The following FANK1 variants were observed in gnomAD, a reference collection of about 807,000 sequenced individuals.
FANK1 encodes the protein fibronectin type III and ankyrin repeat domains 1.
Under a neutral mutation model 45.3 loss-of-function variants are expected in FANK1, and 44 were observed. The ratio of observed to expected loss-of-function variants is 0.97; its 90% CI spans 0.76 to 1.25. The LOEUF (loss-of-function observed/expected upper bound fraction) is 1.25. FANK1 is among the 50% of genes most tolerant of loss of function. The pLI is 0.00. For synonymous variants in FANK1, 149 were observed against 152.5 expected (o/e 0.98, Z 0.17); for missense variants, 391 against 424.4 (o/e 0.92, Z 0.69).
intron 1 of FANK1, among the ~76,000 whole-genome samples, chr10:125,918,041 C>A (rs1245653335): frequency 6.6e-6 from 1 of 151,244 alleles, no homozygotes; most frequent in Non-Finnish European, 1.5e-5. Flanking sequence ...GATCATGCCA[C>A]TGTACTCCAA....
Position 125,989,575 on chromosome 10 carries a change from A to G in FANK1, c.316+900A>G, listed in dbSNP as rs149539683. On this transcript the variant is annotated intron_variant, in intron 3 of 10. Coordinates refer to ENST00000368693, the MANE Select transcript of FANK1 (RefSeq NM_145235.5). ...TGAGCTGTGGTACCTTCAGTTGCAG[A>G]CCTGGCATGAGGGGACAGGATCTGA... is the stretch of plus-strand genomic sequence containing the variant. The G allele has an allele frequency of 3.8e-4, 267 of 698,922 alleles. 3 individuals are homozygous for G. In the African/African-American group the frequency reaches 4.0e-3, roughly 10 times the overall value. The allele number at this position is 698,922 out of a possible 1,614,324, so 43.3% of individuals were successfully genotyped here.
Position 125,900,627 on chromosome 10 carries a change from GTTTT to G in FANK1, c.13+3978_13+3981del, listed in dbSNP as rs369116577. Reference sequence around the variant, plus strand: ...AGTTTTCTGCTACACGTTTCTTTCTGTTTTTTTTTGTTTGTTTGTTTGTTGTTTG... The same window carrying G: ...AGTTTTCTGCTACACGTTTCTTTCTGTTTTTGTTTGTTTGTTTGTTGTTTG... On this transcript the variant is annotated intron_variant, in intron 1 of 10. Coordinates refer to ENST00000368693, the MANE Select transcript of FANK1 (RefSeq NM_145235.5). 2.5e-4 allele frequency among the ~76,000 whole-genome samples: 38 copies of G among 150,756 alleles called. 1 individual carries two copies. The highest frequency in any genetic ancestry group is 1.6e-3 in the East Asian group (8 of 5,146).
chr10:125,971,576 A>G (rs1009545389), intron 1 of FANK1, among the ~76,000 whole-genome samples: 1 of 152,076 alleles, frequency 6.6e-6, no homozygotes, highest in African/African-American at 2.4e-5. Flanking sequence ...TTTAAAATGA[A>G]TAATTTAAGG....
intron 1 of FANK1, among the ~76,000 whole-genome samples, chr10:125,968,637 T>C (rs569987243): frequency 2.0e-5 from 3 of 152,246 alleles, no homozygotes; most frequent in Non-Finnish European, 4.4e-5. Flanking sequence ...TTTTGAGATA[T>C]GGTCAACTAT....
In FANK1 at chr10:125,952,469, TA is replaced by T. The variant is rs1236429641; in HGVS notation, c.14-27684del. On this transcript the variant is annotated intron_variant, in intron 1 of 10. Transcript: ENST00000368693. Reference sequence around the variant, plus strand: ...CAGATTTCATCTGAATAAAGCTGTTTAAAAAAAAGTTCAGAGAAGATGTTTT... The same window carrying T: ...CAGATTTCATCTGAATAAAGCTGTTTAAAAAAAGTTCAGAGAAGATGTTTT... 5.3e-5 allele frequency among the ~76,000 whole-genome samples: 8 copies of T among 152,050 alleles called. No individual in the cohort carries two copies. In the East Asian group the frequency reaches 1.4e-3, roughly 26 times the overall value.
chr10:126,008,229 A>AC (rs1460380119), intron 7 of FANK1, among the ~76,000 whole-genome samples, 178 bp from the exon 8 acceptor site: 2 of 152,036 alleles, frequency 1.3e-5, no homozygotes, highest in Non-Finnish European at 2.9e-5. Context: ...CGGTGGGGAG[A>AC]CCCTGGGGCC....
intron 1 of FANK1, among the ~76,000 whole-genome samples, chr10:125,946,163 CAG>C (rs1948784114): frequency 6.6e-6 from 1 of 152,134 alleles, no homozygotes; most frequent in Non-Finnish European, 1.5e-5. Flanking sequence ...GGGAAAAAAA[CAG>C]AACAGAAAAA....
At chr10:125,952,796 TACATACACACACACACACAC>T (rs1390312473) in intron 1 of FANK1, among the ~76,000 whole-genome samples, 8 of 101,008 alleles carry the variant, frequency 7.9e-5, no homozygotes, top group African/African-American at 2.7e-4. Flanking sequence ...CAGCAGGAAA[TACATACACACACACACACAC>T]ACACACACAC....
intron 1 of FANK1, among the ~76,000 whole-genome samples, chr10:125,898,147 G>T (rs73383038): frequency 6.6e-6 from 1 of 151,204 alleles, no homozygotes; most frequent in Non-Finnish European, 1.5e-5. Context: ...AGATTGCACC[G>T]CTGCACTCCA....
intron 1 of FANK1, among the ~76,000 whole-genome samples, chr10:125,913,457 A>G (rs1946194721): frequency 6.6e-6 from 1 of 152,176 alleles, no homozygotes; most frequent in Admixed American, 6.5e-5. Context: ...AGCTTCATTC[A>G]CTAATCAGTT....
chr10:125,984,293 G>A (rs73370525), intron 2 of FANK1, among the ~76,000 whole-genome samples: 2,536 of 152,330 alleles, frequency 0.017, 74 homozygotes, highest in African/African-American at 0.055. Context: ...AGGGGAGAGA[G>A]CATGGCATGC....
chr10:125,962,486 T>C lies in FANK1; in HGVS notation c.14-17675T>C, dbSNP rs1160072667. The stretch of plus-strand genomic sequence containing the variant: ...TGCTTGATATTGTCCTTTAGGTCAC[T>C]GGTGCTCTTAATTTATTCTCAGTCA... On this transcript the variant is annotated intron_variant, in intron 1 of 10. Coordinates refer to ENST00000368693, the MANE Select transcript of FANK1 (RefSeq NM_145235.5). 7.2e-5 allele frequency among the ~76,000 whole-genome samples: 11 copies of C among 152,322 alleles called. No homozygotes were observed. The East Asian group carries it at 2.1e-3, about 29-fold the overall frequency.
In FANK1 at chr10:125,980,152, T is replaced by C; in HGVS notation, c.14-9T>C. 1 of 1,606,432 alleles carries C rather than the reference T, an allele frequency of 6.2e-7. No homozygotes were observed. Among genetic ancestry groups the C allele is most frequent in the Non-Finnish European group, 8.5e-7 (1 of 1,177,266 alleles). On this transcript the variant is annotated splice_polypyrimidine_tract_variant and intron_variant, in intron 1 of 10. Transcript: ENST00000368693. The stretch of plus-strand genomic sequence containing the variant: ...GGGTCCTGAAGTTCGGTGTCATTCT[T>C]TTTTTTAGAAATCATGCCACCCTCA...
intron 2 of FANK1, among the ~76,000 whole-genome samples, chr10:125,984,223 C>T (rs993763086): frequency 1.3e-5 from 2 of 152,212 alleles, no homozygotes; most frequent in African/African-American, 4.8e-5. Flanking sequence ...CTGCATTGTC[C>T]TCCTGCCACA....
intron 1 of FANK1, among the ~76,000 whole-genome samples, chr10:125,953,263 T>A (rs1164639488): frequency 6.6e-6 from 1 of 152,100 alleles, no homozygotes; most frequent in African/African-American, 2.4e-5. Flanking sequence ...GTTTGTGCAG[T>A]TTGGTGGTTT....
At position 125,942,106 on chromosome 10, in the gene FANK1, A is replaced by C. The variant is rs566080112; in HGVS notation, c.14-38055A>C. Among the ~76,000 whole-genome samples, 6 of 152,326 alleles carry C rather than the reference A, an allele frequency of 3.9e-5. No homozygotes were observed. The South Asian group carries it at 8.3e-4, about 21-fold the overall frequency. ...CATGATAATGATGAAGGAAAACTAA[A>C]TAAGAAATAGCCTCTGTATATAAAG... On this transcript the variant is annotated intron_variant, in intron 1 of 10. Transcript: ENST00000368693.
chr10:125,914,146 C>T (rs1328144057), intron 1 of FANK1, among the ~76,000 whole-genome samples: 1 of 152,176 alleles, frequency 6.6e-6, no homozygotes, highest in East Asian at 1.9e-4. Context: ...GCCTCCCAGA[C>T]AACTTCCTAT....
chr10:125,950,205 G>A (rs1949108207), intron 1 of FANK1, among the ~76,000 whole-genome samples: 1 of 150,914 alleles, frequency 6.6e-6, no homozygotes, highest in South Asian at 2.1e-4. Context: ...CATAGGCATG[G>A]GCAAGGACTT....
intron 1 of FANK1, among the ~76,000 whole-genome samples, chr10:125,952,498 A>C (rs1042561439): frequency 6.6e-6 from 1 of 152,140 alleles, no homozygotes; most frequent in Non-Finnish European, 1.5e-5. Flanking sequence ...GATGTTTTTT[A>C]CTGAGCTCTG....
Sources: allele counts gnomAD v4.1 joint callset (sites outside exome capture counted in the v4.1 genomes callset), GRCh38; gene constraint gnomAD v4.1.1; transcripts MANE v1.5; gene names NCBI Gene and HGNC (gene_info 2026-07-23, HGNC 2026-07-21).